COG4: variants seen among roughly 807,000 people sequenced by gnomAD.
COG4 encodes the protein conserved oligomeric Golgi complex subunit 4.
Under a neutral mutation model 95.1 loss-of-function variants are expected in COG4, and 65 were observed. The ratio of observed to expected loss-of-function variants is 0.68; its 90% CI spans 0.56 to 0.84. COG4 has a LOEUF of 0.84. Among genes scored for constraint, COG4 ranks in the 40% least tolerant of loss-of-function variants. The pLI is 0.00. For missense variants in COG4, 1,045 were observed against 989.1 expected, an observed-to-expected ratio of 1.06 and a Z score of -0.76; for synonymous variants, 421 against 374.8, an observed-to-expected ratio of 1.12 and a Z score of -1.42.
intron 3 of COG4, among the ~76,000 whole-genome samples, chr16:70,514,732 T>C (rs895360990): frequency 5.9e-5 from 9 of 152,106 alleles, no homozygotes; most frequent in African/African-American, 2.2e-4. Flanking sequence ...TCTTTTTTTT[T>C]AGACAGAGTC....
chr16:70,501,097 A>G lies in COG4; in HGVS notation c.1062-6T>C, dbSNP rs2049440132. ...TCAGGATGGGGTCCAGTTCTCTGAG[A>G]CACATGGAGCAGAAGGAATAGGACG... On this transcript the variant is annotated splice_region_variant and splice_polypyrimidine_tract_variant and intron_variant, in intron 8 of 18. Coordinates refer to ENST00000323786, the MANE Select transcript of COG4 (RefSeq NM_015386.3). 2 of 1,612,822 alleles carry G rather than the reference A, an allele frequency of 1.2e-6. No individual in the cohort carries two copies. The highest frequency in any genetic ancestry group is 1.7e-5 in the Admixed American group (1 of 59,992).
At chr16:70,519,912 C>G (rs1197447402) in intron 1 of COG4, among the ~76,000 whole-genome samples, 181 bp from the exon 2 acceptor site, 1 of 152,158 alleles carries the variant, frequency 6.6e-6, no homozygotes, top group African/African-American at 2.4e-5. Context: ...TGTTATCTTA[C>G]GTATATCTTA....
chr16:70,481,811 C>CAAGGCTAGTCATGAGGCCGGT lies in COG4; in HGVS notation c.2038_2058dup (p.Thr680_Leu686dup), dbSNP rs2049000864. Reference sequence around the variant, plus strand: ...ACCACTTTCTCCAACTCGACGGCAACAAGGCTAGTCATGAGGCCGGTTAGG... The same window carrying CAAGGCTAGTCATGAGGCCGGT: ...ACCACTTTCTCCAACTCGACGGCAACAAGGCTAGTCATGAGGCCGGTAAGGCTAGTCATGAGGCCGGTTAGG... On this transcript the variant is annotated inframe_insertion, in exon 17 of 19. Coordinates refer to ENST00000323786, the MANE Select transcript of COG4 (RefSeq NM_015386.3). 1 of 1,613,970 alleles carries CAAGGCTAGTCATGAGGCCGGT rather than the reference C, an allele frequency of 6.2e-7. No homozygotes were observed. The highest frequency in any genetic ancestry group is 8.5e-7 in the Non-Finnish European group (1 of 1,180,030).
intron 8 of COG4, among the ~76,000 whole-genome samples, chr16:70,507,122 C>T (rs2049594634): frequency 6.6e-6 from 1 of 150,918 alleles, no homozygotes; most frequent in Non-Finnish European, 1.5e-5. Flanking sequence ...ATATGTGTCC[C>T]AGCTACTCGG....
At chr16:70,493,805 T>C (rs2049291043) in intron 12 of COG4, among the ~76,000 whole-genome samples, 1 of 151,902 alleles carries the variant, frequency 6.6e-6, no homozygotes, top group Admixed American at 6.6e-5. Flanking sequence ...GGTTCAGGAA[T>C]ACTCATCTAG....
intron 11 of COG4, among the ~76,000 whole-genome samples, chr16:70,496,662 C>T (rs948773069): frequency 7.9e-5 from 12 of 152,222 alleles, no homozygotes; most frequent in African/African-American, 2.9e-4. Flanking sequence ...CCAATCTCTA[C>T]TGTTCATGAG....
intron 9 of COG4, among the ~76,000 whole-genome samples, chr16:70,500,493 T>C (rs1026130183): frequency 6.7e-6 from 1 of 149,004 alleles, no homozygotes; most frequent in Non-Finnish European, 1.5e-5. Flanking sequence ...CCCGAGTAGC[T>C]GGGACTGCAG....
chr16:70,501,794 G>A (rs1480329778), intron 8 of COG4, among the ~76,000 whole-genome samples: 1 of 151,818 alleles, frequency 6.6e-6, no homozygotes, highest in Non-Finnish European at 1.5e-5. Context: ...TGGGATTACA[G>A]GAGTGTGCCA....
Position 70,483,932 on chromosome 16 carries a change from C to T in COG4, c.1748G>A (p.Gly583Glu), listed in dbSNP as rs781678850. ...GTCAAACTTGGCCTGGGCCTGCTCC[C>T]CTCCAATGCCCTGGCTGAAGAGCTT... ...CTKLFSQGIG[G>E]EQAQAKFDSC... The change falls in exon 14 of 19, where the codon GGG becomes GAG. Residue 583 changes from glycine to glutamate, a missense_variant. Transcript: ENST00000323786. The T allele has an allele frequency of 1.2e-5, 20 of 1,613,088 alleles. No individual in the cohort carries two copies. The highest frequency in any genetic ancestry group is 8.3e-5 in the Admixed American group (5 of 60,008).
At chr16:70,517,055 T>C (rs1295631271) in intron 3 of COG4, among the ~76,000 whole-genome samples, 2 of 151,890 alleles carry the variant, frequency 1.3e-5, no homozygotes, top group East Asian at 2.0e-4. Flanking sequence ...TGCACCACCA[T>C]GTCCAGCTAA....
intron 5 of COG4, 100 bp downstream of exon 5, chr16:70,512,139 C>G: frequency 8.8e-7 from 1 of 1,136,946 alleles, no homozygotes; most frequent in Non-Finnish European, 1.3e-6. Context: ...GAGTCATATC[C>G]AGAAGAGAGA....
intron 9 of COG4, among the ~76,000 whole-genome samples, chr16:70,499,851 G>A (rs529940366): frequency 5.8e-4 from 89 of 152,158 alleles, no homozygotes; most frequent in Middle Eastern, 3.4e-3. Context: ...TAGTAGAGAC[G>A]GAGTTTCACC....
intron 12 of COG4, 85 bp downstream of exon 12, chr16:70,496,181 A>G: frequency 7.0e-7 from 1 of 1,422,018 alleles, no homozygotes; most frequent in Non-Finnish European, 9.9e-7. Flanking sequence ...GTCTCTAGCT[A>G]GAGGCCAATT....
chr16:70,517,680 G>A lies in COG4; in HGVS notation c.315C>T (p.Thr105=), dbSNP rs1292326387. The A allele has an allele frequency of 6.2e-7, 1 of 1,613,346 alleles. No homozygotes were observed. Residue 105 remains threonine, a synonymous_variant, in exon 3 of 19, where the codon ACC becomes ACT. Coordinates refer to ENST00000323786, the MANE Select transcript of COG4 (RefSeq NM_015386.3). ...TGGACACATTCTCAGCCAGGTTGCA[G>A]GTAAAGGTGATCATTCCAGCCAGCT... ...AKQLAGMITF[T]CNLAENVSSK...
intron 14 of COG4, 151 bp downstream of exon 14, chr16:70,483,702 C>A: frequency 1.3e-6 from 1 of 756,190 alleles, no homozygotes. Flanking sequence ...CCTTTAGTCT[C>A]AAGGGACCTG....
intron 3 of COG4, among the ~76,000 whole-genome samples, chr16:70,516,602 AG>A (rs2049828294): frequency 6.6e-6 from 1 of 151,880 alleles, no homozygotes; most frequent in South Asian, 2.1e-4. Flanking sequence ...AGCCTTGTTG[AG>A]TACCTTTATG....
At chr16:70,492,058 G>A (rs374346456) in intron 12 of COG4, among the ~76,000 whole-genome samples, 16 of 152,052 alleles carry the variant, frequency 1.1e-4, no homozygotes, top group African/African-American at 2.7e-4. Flanking sequence ...GCAGGAAAAG[G>A]GACAGACACT....
In COG4 at chr16:70,514,372, G is replaced by C; in HGVS notation, c.507C>G (p.Asp169Glu). ...GTCGGCTGAGCTCAATGACCGACTT[G>C]TCCAGGCACAAGTAGCGATGAGTAT... The part of the protein sequence containing the change: ...AAHTHRYLCL[D>E]KSVIELSRQG... Residue 169 changes from aspartate (D) to glutamate (E), a missense_variant, in exon 4 of 19, where the codon GAC becomes GAG. Physicochemically the swap from Asp to Glu is conservative, Grantham distance 45. Transcript: ENST00000323786. 6.2e-7 allele frequency: 1 copy of C among 1,614,158 alleles called. No individual in the cohort carries two copies. Among genetic ancestry groups the C allele is most frequent in the Non-Finnish European group, 8.5e-7 (1 of 1,180,028 alleles).
In COG4 at chr16:70,496,284, C is replaced by T; in HGVS notation, c.1629G>A (p.Glu543=). 1.2e-6 allele frequency: 2 copies of T among 1,614,204 alleles called. No individual in the cohort carries two copies. Among genetic ancestry groups the T allele is most frequent in the Middle Eastern group, 1.6e-4 (1 of 6,062 alleles). The change falls in exon 12 of 19, where the codon GAG becomes GAA. Residue 543 remains glutamate (E), a synonymous_variant. Transcript: ENST00000323786. ...TACCTACCAGGAAGGACATCTTCGC[C>T]TCGTCAGTACTCTCGATGCCTTTTG... The part of the protein sequence containing the change: ...FDTKGIESTD[E]AKMSFLVTLN...
Sources: allele counts gnomAD v4.1 joint callset (sites outside exome capture counted in the v4.1 genomes callset), GRCh38; gene constraint gnomAD v4.1.1; transcripts MANE v1.5; gene names NCBI Gene and HGNC (gene_info 2026-07-23, HGNC 2026-07-21).